The following SHH variants were observed in gnomAD, a reference collection of about 807,000 sequenced individuals.
The protein encoded by SHH is sonic hedgehog signaling molecule, also known as sonic hedgehog protein.
SHH carries 3 observed loss-of-function variants against 16.6 expected under a neutral mutation model. The ratio of observed to expected loss-of-function variants is 0.18; its 90% CI spans 0.08 to 0.47. SHH has a LOEUF of 0.47. SHH is among the 20% of genes least tolerant of loss of function. The pLI, the probability that SHH is intolerant of heterozygous loss-of-function variation, is 0.98. For missense variants in SHH, 499 were observed against 665.0 expected (o/e 0.75, Z 2.75); for synonymous variants, 351 against 316.2 (o/e 1.11, Z -1.17).
intron 1 of SHH, chr7:155,806,882 GT>G: frequency 2.2e-6 from 1 of 448,748 alleles, no homozygotes. Flanking sequence ...TGACCTGCAT[GT>G]TTAAGACATC....
chr7:155,805,167 G>A (rs1461164970), intron 2 of SHH, among the ~76,000 whole-genome samples: 1 of 151,860 alleles, frequency 6.6e-6, no homozygotes, highest in Non-Finnish European at 1.5e-5. Context: ...CCGCTAGGGG[G>A]ACCCCGCGGG....
Position 155,803,127 on chromosome 7 carries a change from C to G in SHH, c.1162G>C (p.Ala388Pro). 2.8e-6 allele frequency: 4 copies of G among 1,403,618 alleles called. No homozygotes were observed. The highest frequency in any genetic ancestry group is 2.8e-6 in the Non-Finnish European group (3 of 1,075,198). The allele number at this position is 1,403,618 out of a possible 1,614,324, so 86.9% of individuals were successfully genotyped here. Residue 388 changes from alanine to proline, a missense_variant, in exon 3 of 3, where the codon GCT (alanine) becomes CCT (proline). Ala to Pro is a conservative substitution (Grantham distance 27, BLOSUM62 -1). Coordinates refer to ENST00000297261, the MANE Select transcript of SHH (RefSeq NM_000193.4). ...TCCGTGCGCGCGGGCGCCAGTGCAGCCAGGAGCGCGTGCGCCAGGCGGAAG... is the reference window on the plus strand; with the variant it reads ...TCCGTGCGCGCGGGCGCCAGTGCAGGCAGGAGCGCGTGCGCCAGGCGGAAG... ...APFRLAHALL[A>P]ALAPARTDRG...
rs1803405555 is a variant in SHH at position 155,807,800 on chromosome 7, G to T, written c.301-1243C>A. Among the ~76,000 whole-genome samples the T allele has an allele frequency of 4.6e-5, 7 of 152,094 alleles. No homozygotes were observed. The highest frequency in any genetic ancestry group is 4.6e-4 in the Admixed American group (7 of 15,264). ...GAAGCTGCGCCAAGTGGAGGCCGAG[G>T]GGCAATTTCAAGGTGACTTCTGCAG... On this transcript the variant is annotated intron_variant, in intron 1 of 2. Transcript: ENST00000297261. The surrounding 1 kb of genome is among the most constrained non-coding windows in gnomAD (Gnocchi z 7.1).
intron 2 of SHH, among the ~76,000 whole-genome samples, chr7:155,805,065 A>G (rs1249518467): frequency 1.3e-5 from 2 of 151,698 alleles, no homozygotes; most frequent in Admixed American, 6.6e-5. Context: ...CAGAATGCCA[A>G]TGAGCGGCTC....
At position 155,806,423 on chromosome 7, in the gene SHH, T is replaced by C. The variant is rs142106853; in HGVS notation, c.435A>G (p.Ala145=). ...CGCGGTCAGACGTGGTGATGTCCAC[T>C]GCGCGGCCCTCGTAGTGCAGAGACT... ...SEESLHYEGR[A]VDITTSDRDR... is the part of the protein sequence containing the mutation. The change falls in exon 2 of 3, where the codon GCA becomes GCG. Residue 145 remains alanine, a synonymous_variant. Coordinates refer to ENST00000297261, the MANE Select transcript of SHH (RefSeq NM_000193.4). 4.3e-6 allele frequency: 7 copies of C among 1,613,700 alleles called. No homozygotes were observed. The African/African-American group carries it at 9.3e-5, about 22-fold the overall frequency.
intron 2 of SHH, 149 bp downstream of exon 2, chr7:155,806,147 G>C: frequency 1.1e-6 from 1 of 945,918 alleles, no homozygotes; most frequent in Non-Finnish European, 1.7e-6. Flanking sequence ...CACCTCACAG[G>C]GCAGGTTCCA....
In SHH at chr7:155,800,283, G is replaced by A. The variant is rs761669909; in HGVS notation, c.*2617C>T. On this transcript the variant is annotated 3_prime_UTR_variant, in exon 3 of 3. Coordinates refer to ENST00000297261, the MANE Select transcript of SHH (RefSeq NM_000193.4). Reference sequence around the variant, plus strand: ...GAATTTTAAATATAAAGCAGTGGACGCATCTTAAGAAGATGGACCAGGAGG... The same window carrying A: ...GAATTTTAAATATAAAGCAGTGGACACATCTTAAGAAGATGGACCAGGAGG... The A allele has an allele frequency of 1.5e-5, 7 of 463,194 alleles. No individual in the cohort carries two copies. The highest frequency in any genetic ancestry group is 4.7e-5 in the South Asian group (3 of 64,248). The allele number at this position is 463,194 out of a possible 1,614,324, so 28.7% of individuals were successfully genotyped here.
At position 155,802,875 on chromosome 7, in the gene SHH, G is replaced by A. The variant is rs772915697; in HGVS notation, c.*25C>T. 168 of 239,250 alleles carry A rather than the reference G, an allele frequency of 7.0e-4. No homozygotes were observed. The highest frequency in any genetic ancestry group is 6.4e-4 in the Non-Finnish European group (108 of 167,850). The allele number at this position is 239,250 out of a possible 1,614,324, so 14.8% of individuals were successfully genotyped here. On this transcript the variant is annotated 3_prime_UTR_variant, in exon 3 of 3. Coordinates refer to ENST00000297261, the MANE Select transcript of SHH (RefSeq NM_000193.4). Reference sequence around the variant, plus strand: ...TTGCTGCCCCGCCCCGCCCCCTCCCGCGCCCCTCCCCCGGCCCCCCGGCTT... The same window carrying A: ...TTGCTGCCCCGCCCCGCCCCCTCCCACGCCCCTCCCCCGGCCCCCCGGCTT...
chr7:155,811,673 G>C (rs1803525924), intron 1 of SHH, 150 bp downstream of exon 1: 2 of 822,712 alleles, frequency 2.4e-6, no homozygotes, highest in Admixed American at 3.4e-5. Flanking sequence ...AAGAGGAAGA[G>C]ATGGGGGGCG....
At position 155,802,782 on chromosome 7, in the gene SHH, C is replaced by G. The variant is rs1803217826; in HGVS notation, c.*118G>C. On this transcript the variant is annotated 3_prime_UTR_variant, in exon 3 of 3. Transcript: ENST00000297261. ...CTTTGGACTGTCCTACTTTATTATT[C>G]TTATTCTTATTATAACTCAGTCTGG... is the stretch of plus-strand genomic sequence containing the variant. The G allele has an allele frequency of 3.3e-6, 2 of 610,912 alleles. No individual in the cohort carries two copies. The highest frequency in any genetic ancestry group is 1.9e-5 in the African/African-American group (1 of 51,986). 37.8% of individuals were successfully genotyped at this position (610,912 alleles called of 1,614,324 possible). A position where few individuals can be genotyped will look rare whatever the true frequency, so the allele number is the denominator to read the frequency against.
intron 1 of SHH, among the ~76,000 whole-genome samples, chr7:155,808,324 G>A (rs1803419719): frequency 2.0e-5 from 3 of 152,248 alleles, no homozygotes; most frequent in African/African-American, 7.2e-5. Context: ...GGACCCCCAT[G>A]CAAGCCCCCC....
In SHH at chr7:155,800,502, T is replaced by C. The variant is rs1413455830; in HGVS notation, c.*2398A>G. On this transcript the variant is annotated 3_prime_UTR_variant, in exon 3 of 3. Coordinates refer to ENST00000297261, the MANE Select transcript of SHH (RefSeq NM_000193.4). ...CTGGCTTCTCTCTGATCGTCTGGGCTGCACGGCCACATTGCCAGGTCTGTC... is the reference window on the plus strand; with the variant it reads ...CTGGCTTCTCTCTGATCGTCTGGGCCGCACGGCCACATTGCCAGGTCTGTC... 4.3e-6 allele frequency: 2 copies of C among 468,646 alleles called. No homozygotes were observed. Among genetic ancestry groups the C allele is most frequent in the South Asian group, 3.1e-5 (2 of 64,466 alleles). The allele number at this position is 468,646 out of a possible 1,614,324, so 29.0% of individuals were successfully genotyped here. A position where few individuals can be genotyped will look rare whatever the true frequency, so the allele number is the denominator to read the frequency against.
chr7:155,812,179 G>A lies in SHH; in HGVS notation c.-57C>T, dbSNP rs1177674542. On this transcript the variant is annotated 5_prime_UTR_variant, in exon 1 of 3. Transcript: ENST00000297261. ...TCCCCGTGCGGGTCCGTGCGCGAGT[G>A]CGCGCGGCGGGTGTGTGCGTGTGCG... 10 of 1,564,916 alleles carry A rather than the reference G, an allele frequency of 6.4e-6. No individual in the cohort carries two copies. The highest frequency in any genetic ancestry group is 1.7e-5 in the Admixed American group (1 of 59,916).
At position 155,802,577 on chromosome 7, in the gene SHH, T is replaced by C. The variant is rs1308776962; in HGVS notation, c.*323A>G. On this transcript the variant is annotated 3_prime_UTR_variant, in exon 3 of 3. Coordinates refer to ENST00000297261, the MANE Select transcript of SHH (RefSeq NM_000193.4). ...TAAATTATCCAAGAAACAAACTATT[T>C]AAGGCTCTTGAAGGTCCGGTTCATA... The C allele has an allele frequency of 4.5e-6, 1 of 223,066 alleles. No individual in the cohort carries two copies. The highest frequency in any genetic ancestry group is 8.7e-6 in the Non-Finnish European group (1 of 114,838). 13.8% of individuals were successfully genotyped at this position (223,066 alleles called of 1,614,324 possible). A position where few individuals can be genotyped will look rare whatever the true frequency, so the allele number is the denominator to read the frequency against.
At position 155,803,366 on chromosome 7, in the gene SHH, C is replaced by A; in HGVS notation, c.923G>T (p.Arg308Leu). Residue 308 changes from arginine (R) to leucine (L), a missense_variant, in exon 3 of 3, where the codon CGC (arginine) becomes CTC (leucine). Physicochemically the swap from Arg to Leu is moderately radical, Grantham distance 102. Coordinates refer to ENST00000297261, the MANE Select transcript of SHH (RefSeq NM_000193.4). ...ALGPRALFAS[R>L]VRPGQRVYVV... Reference sequence around the variant, plus strand: ...GTACACGCGCTGGCCCGGGCGCACGCGGCTGGCGAACAGCGCCCGAGGCCC... The same window carrying A: ...GTACACGCGCTGGCCCGGGCGCACGAGGCTGGCGAACAGCGCCCGAGGCCC... 1.4e-6 allele frequency: 2 copies of A among 1,451,594 alleles called. No individual in the cohort carries two copies. Among genetic ancestry groups the A allele is most frequent in the Non-Finnish European group, 9.0e-7 (1 of 1,114,628 alleles). 89.9% of individuals were successfully genotyped at this position (1,451,594 alleles called of 1,614,324 possible).
chr7:155,811,206 A>T (rs1803515279), intron 1 of SHH, among the ~76,000 whole-genome samples: 1 of 152,268 alleles, frequency 6.6e-6, no homozygotes, highest in African/African-American at 2.4e-5. Context: ...CGATACAGCC[A>T]GCCACCCAGG....
chr7:155,812,001 G>C lies in SHH; in HGVS notation c.122C>G (p.Pro41Arg). Residue 41 changes from proline to arginine, a missense_variant, in exon 1 of 3, where the codon CCT becomes CGT. Around this residue, in one of 4 missense-constraint regions of SHH, gnomAD observed 75 missense variants for 115.0 expected, o/e 0.65. Transcript: ENST00000297261. ...GKRRHPKKLT[P>R]LAYKQFIPNV... The stretch of plus-strand genomic sequence containing the variant: ...GGGGATAAACTGCTTGTAGGCTAAA[G>C]GGGTCAGCTTTTTGGGGTGCCTCCT... 1 of 1,614,196 alleles carries C rather than the reference G, an allele frequency of 6.2e-7. No homozygotes were observed. The highest frequency in any genetic ancestry group is 8.5e-7 in the Non-Finnish European group (1 of 1,180,040).
chr7:155,811,139 A>G (rs1803513873), intron 1 of SHH, among the ~76,000 whole-genome samples: 1 of 152,258 alleles, frequency 6.6e-6, no homozygotes, highest in Non-Finnish European at 1.5e-5. Flanking sequence ...AGAAATATCA[A>G]TACATTCACA....
Position 155,800,268 on chromosome 7 carries a change from T to C in SHH, c.*2632A>G, listed in dbSNP as rs1001478941. 1.1e-5 allele frequency: 5 copies of C among 468,474 alleles called. No homozygotes were observed. Among genetic ancestry groups the C allele is most frequent in the Non-Finnish European group, 2.2e-5 (5 of 226,466 alleles). The allele number at this position is 468,474 out of a possible 1,614,324, so 29.0% of individuals were successfully genotyped here. ...TGCCTGTGAAAAAGAGAATTTTAAA[T>C]ATAAAGCAGTGGACGCATCTTAAGA... On this transcript the variant is annotated 3_prime_UTR_variant, in exon 3 of 3. Coordinates refer to ENST00000297261, the MANE Select transcript of SHH (RefSeq NM_000193.4).
Sources: gnomAD v4.1 joint callset for allele counts (sites outside exome capture counted in the v4.1 genomes callset) on GRCh38, gnomAD v4.1.1 for gene constraint, gnomAD v4.1.1 regional missense constraint, Gnocchi (gnomAD v3.1) non-coding constraint, MANE v1.5 for transcripts, NCBI Gene and HGNC (gene_info 2026-07-23, HGNC 2026-07-21) for gene names.